The following ZNF563 variants were observed in gnomAD, a reference collection of about 807,000 sequenced individuals.
ZNF563 encodes zinc finger protein 563.
Under a neutral mutation model 48.5 loss-of-function variants are expected in ZNF563, and 39 were observed. The ratio of observed to expected loss-of-function variants is 0.80; its 90% CI spans 0.62 to 1.05. ZNF563 has a LOEUF of 1.05. ZNF563 is among the 50% of genes least tolerant of loss of function. The pLI is 0.00. For synonymous variants in ZNF563, 168 were observed against 187.9 expected (o/e 0.89, Z 0.87); for missense variants, 538 against 597.0 (o/e 0.90, Z 1.03).
At chr19:12,325,253 G>A (rs1048240114) in intron 1 of ZNF563, among the ~76,000 whole-genome samples, 6 of 152,098 alleles carry the variant, frequency 3.9e-5, no homozygotes, top group African/African-American at 1.4e-4. Flanking sequence ...AGGCCAAGGC[G>A]GGCAGATCAT....
chr19:12,345,246 A>G, the ZNF563 span, among the ~76,000 whole-genome samples: 1 of 152,236 alleles, frequency 6.6e-6, no homozygotes, highest in South Asian at 2.1e-4. Context: ...TCTAAAATTC[A>G]CTTCAAATCT....
chr19:12,337,521 G>A (rs1336677744), upstream of ZNF563, among the ~76,000 whole-genome samples: 1 of 152,004 alleles, frequency 6.6e-6, no homozygotes, highest in East Asian at 1.9e-4. Context: ...TTCCTTTCTG[G>A]AAAAAGGCTT....
chr19:12,336,960 A>G (rs1969027291), upstream of ZNF563, among the ~76,000 whole-genome samples: 1 of 152,194 alleles, frequency 6.6e-6, no homozygotes, highest in South Asian at 2.1e-4. Flanking sequence ...CCACAGTTTC[A>G]TTTATTCATT....
chr19:12,319,818 C>G lies in ZNF563; in HGVS notation c.207G>C (p.Glu69Asp). Residue 69 changes from glutamate to aspartate, a missense_variant, in exon 4 of 4, where the codon GAG becomes GAC. Transcript: ENST00000293725. ...TACTGTCTTTACTTTCACTGAATCT[C>G]TCTACCATATGACATCTGTAAAAAA... is the stretch of plus-strand genomic sequence containing the variant. ...PRRNLRCHMV[E>D]RFSESKDSSQ... is the part of the protein sequence containing the mutation. 6.2e-7 allele frequency: 1 copy of G among 1,612,368 alleles called. No individual in the cohort carries two copies. The highest frequency in any genetic ancestry group is 8.5e-7 in the Non-Finnish European group (1 of 1,178,734).
Position 12,318,760 on chromosome 19 carries a change from T to C in ZNF563, c.1265A>G (p.Glu422Gly). Residue 422 changes from glutamate (E) to glycine (G), a missense_variant, in exon 4 of 4, where the codon GAA becomes GGA. By Grantham distance (98) the Glu-to-Gly change is moderately conservative. Coordinates refer to ENST00000293725, the MANE Select transcript of ZNF563 (RefSeq NM_145276.3). ...TAACGCTTTCCCACACTGCTTGCAT[T>C]CATAGGGTTTCTCTCCACTGTGAGA... ...EKSHSGEKPY[E>G]CKQCGKALSH... The C allele has an allele frequency of 6.2e-7, 1 of 1,614,160 alleles. No homozygotes were observed. Among genetic ancestry groups the C allele is most frequent in the Non-Finnish European group, 8.5e-7 (1 of 1,180,022 alleles).
intron 1 of ZNF563, among the ~76,000 whole-genome samples, chr19:12,332,316 T>C (rs950331143): frequency 6.6e-6 from 1 of 151,828 alleles, no homozygotes; most frequent in African/African-American, 2.4e-5. Context: ...GCAGGTAAGT[T>C]ACGGGTCTAA....
chr19:12,321,308 G>C lies in ZNF563; in HGVS notation c.155C>G (p.Thr52Ser), dbSNP rs780556980. 18 of 1,574,066 alleles carry C rather than the reference G, an allele frequency of 1.1e-5. No homozygotes were observed. Among genetic ancestry groups the C allele is most frequent in the Non-Finnish European group, 1.5e-5 (17 of 1,164,226 alleles). The stretch of plus-strand genomic sequence containing the variant: ...CCTAGGATTTTTGTACTGATCTTCA[G>C]TATTCTGTTCTTCCCATATCATTCC... ...CIRMIWEEQN[T>S]EDQYKNPRRN... is the part of the protein sequence containing the mutation. The change falls in exon 3 of 4, where the codon ACT (threonine) becomes AGT (serine). Residue 52 changes from threonine (T) to serine (S), a missense_variant. Transcript: ENST00000293725.
At chr19:12,334,096 C>T (rs568173704), upstream of ZNF563, among the ~76,000 whole-genome samples, 1 of 152,218 alleles carries the variant, frequency 6.6e-6, no homozygotes, top group East Asian at 1.9e-4. Flanking sequence ...TGATGTCCAC[C>T]GGGCATCAGG....
chr19:12,340,916 G>A, the ZNF563 span, among the ~76,000 whole-genome samples: 17 of 151,296 alleles, frequency 1.1e-4, no homozygotes, highest in African/African-American at 4.1e-4. Context: ...GAGAAATGTA[G>A]AGTATTTTGC....
intron 1 of ZNF563, among the ~76,000 whole-genome samples, chr19:12,323,632 A>G (rs1023387839): frequency 3.9e-5 from 6 of 152,222 alleles, no homozygotes; most frequent in African/African-American, 1.4e-4. Context: ...ACAGTAAAAA[A>G]CAAATATTGT....
rs755583333 is a variant in ZNF563 at position 12,319,102 on chromosome 19, G to A, written c.923C>T (p.Pro308Leu). ...TTTCCCGCATTGCTTACACTCATAG[G>A]GTTTCTCTGCACTGTGAGTGGTTTC... is the stretch of plus-strand genomic sequence containing the variant. The part of the protein sequence containing the change: ...RHETTHSAEK[P>L]YECKQCGKTF... Residue 308 changes from proline to leucine, a missense_variant, in exon 4 of 4, where the codon CCC (proline) becomes CTC (leucine). Physicochemically the swap from Pro to Leu is moderately conservative, Grantham distance 98 (BLOSUM62 -3). Coordinates refer to ENST00000293725, the MANE Select transcript of ZNF563 (RefSeq NM_145276.3). The A allele has an allele frequency of 1.2e-6, 2 of 1,614,088 alleles. No homozygotes were observed. Among genetic ancestry groups the A allele is most frequent in the South Asian group, 1.1e-5 (1 of 91,074 alleles).
upstream of ZNF563, among the ~76,000 whole-genome samples, chr19:12,336,955 G>A (rs1969027249): frequency 6.6e-6 from 1 of 152,172 alleles, no homozygotes; most frequent in Non-Finnish European, 1.5e-5. Context: ...CATGCCCACA[G>A]TTTCATTTAT....
the ZNF563 span, among the ~76,000 whole-genome samples, chr19:12,341,208 G>A: frequency 6.6e-6 from 1 of 152,038 alleles, no homozygotes; most frequent in Admixed American, 6.6e-5. Flanking sequence ...ATGCCACCAG[G>A]CCTAGCTAAT....
At chr19:12,327,459 C>CA (rs35937081) in intron 1 of ZNF563, among the ~76,000 whole-genome samples, 1,576 of 71,422 alleles carry the variant, frequency 0.022, 19 homozygotes, top group Non-Finnish European at 0.031. Context: ...CACTCCATCT[C>CA]AAAAAAAAAA....
At position 12,330,753 on chromosome 19, in the gene ZNF563, T is replaced by C. The variant is rs930949292; in HGVS notation, c.3+2727A>G. 9.8e-5 allele frequency among the ~76,000 whole-genome samples: 15 copies of C among 152,310 alleles called. 1 individual carries two copies. In the East Asian group the frequency reaches 2.9e-3, roughly 29 times the overall value. On this transcript the variant is annotated intron_variant, in intron 1 of 3. Transcript: ENST00000293725. Reference sequence around the variant, plus strand: ...CCTCCATATACAATAATCAACTAATTACAGACCTGCCTGTTTTCATGAATT... The same window carrying C: ...CCTCCATATACAATAATCAACTAATCACAGACCTGCCTGTTTTCATGAATT...
At chr19:12,323,511 G>A (rs1027203887) in intron 1 of ZNF563, among the ~76,000 whole-genome samples, 6 of 152,190 alleles carry the variant, frequency 3.9e-5, no homozygotes, top group Non-Finnish European at 7.3e-5. Flanking sequence ...TAGGCACTCC[G>A]GCCCTTGCCA....
upstream of ZNF563, chr19:12,333,842 C>A (rs1968983191): frequency 1.6e-5 from 5 of 315,208 alleles, no homozygotes; most frequent in South Asian, 4.8e-4. Context: ...GAGTTCCAGG[C>A]ACAGCCCTTG....
chr19:12,327,627 GC>G (rs1434358293), intron 1 of ZNF563, among the ~76,000 whole-genome samples: 2 of 151,928 alleles, frequency 1.3e-5, no homozygotes, highest in African/African-American at 4.8e-5. Flanking sequence ...ACAAGGACTG[GC>G]AGAGTAGAAT....
At chr19:12,325,508 A>C (rs976844898) in intron 1 of ZNF563, among the ~76,000 whole-genome samples, 1 of 152,050 alleles carries the variant, frequency 6.6e-6, no homozygotes, top group Admixed American at 6.6e-5. Flanking sequence ...AGCCCACCTA[A>C]GTCTAAAAGG....
Sources: allele counts gnomAD v4.1 joint callset (sites outside exome capture counted in the v4.1 genomes callset), GRCh38; gene constraint gnomAD v4.1.1; transcripts MANE v1.5; gene names NCBI Gene and HGNC (gene_info 2026-07-23, HGNC 2026-07-21).